The following CSMD1 variants were observed in gnomAD, a reference collection of about 807,000 sequenced individuals.
CSMD1 encodes CUB and Sushi multiple domains 1.
Under a neutral mutation model 417.5 loss-of-function variants are expected in CSMD1, and 213 were observed. That is an observed-to-expected ratio of 0.51 (90% CI 0.46 to 0.57). CSMD1 has a LOEUF of 0.57. CSMD1 is among the 20% of genes least tolerant of loss of function. The pLI is 0.00. For synonymous variants in CSMD1, 2,862 were observed against 1,736.8 expected, an observed-to-expected ratio of 1.65 and a Z score of -16.11; for missense variants, 6,923 against 4,529.7, an observed-to-expected ratio of 1.53 and a Z score of -15.17.
At chr8:4,446,058 G>A (rs144611078) in intron 2 of CSMD1, among the ~76,000 whole-genome samples, 18 of 152,330 alleles carry the variant, frequency 1.2e-4, no homozygotes, top group African/African-American at 3.1e-4. Flanking sequence ...AAGAGGAGAC[G>A]AGGCTGTTTC....
At chr8:3,800,753 G>T (rs1212698655) in intron 5 of CSMD1, among the ~76,000 whole-genome samples, 3 of 152,082 alleles carry the variant, frequency 2.0e-5, no homozygotes, top group Non-Finnish European at 4.4e-5. Flanking sequence ...TGTTGAGGTA[G>T]TTTGTTTTTA....
intron 37 of CSMD1, among the ~76,000 whole-genome samples, chr8:3,165,156 G>A (rs1042955061): frequency 4.6e-5 from 7 of 151,998 alleles, no homozygotes; most frequent in South Asian, 2.1e-4. Context: ...TTCTCCCTTC[G>A]CCAGTGTCAC....
chr8:4,184,965 C>T (rs1049261259), intron 3 of CSMD1, among the ~76,000 whole-genome samples: 8 of 151,694 alleles, frequency 5.3e-5, no homozygotes, highest in African/African-American at 1.9e-4. Context: ...TGGTGAAACC[C>T]CATCTCTATT....
intron 5 of CSMD1, among the ~76,000 whole-genome samples, chr8:3,987,747 T>C (rs1037220206): frequency 5.9e-5 from 9 of 152,132 alleles, no homozygotes; most frequent in East Asian, 1.9e-4. Flanking sequence ...AAATGGAATG[T>C]AAATATTGAC....
intron 3 of CSMD1, among the ~76,000 whole-genome samples, chr8:4,398,863 C>A (rs1016055993): frequency 2.0e-5 from 3 of 152,094 alleles, no homozygotes; most frequent in Non-Finnish European, 4.4e-5. Context: ...AACTTTTAAA[C>A]CATAAAATAA....
chr8:4,088,745 C>A (rs1401153964), intron 3 of CSMD1, among the ~76,000 whole-genome samples: 2 of 152,062 alleles, frequency 1.3e-5, no homozygotes, highest in Non-Finnish European at 2.9e-5. Context: ...AAGGTGAGAT[C>A]CCACCACCAT....
chr8:4,246,198 C>T (rs952452806), intron 3 of CSMD1, among the ~76,000 whole-genome samples: 2 of 152,128 alleles, frequency 1.3e-5, no homozygotes, highest in African/African-American at 2.4e-5. Context: ...CAAAAGGCCC[C>T]AGTGTGTGTT....
At chr8:4,440,035 A>G (rs1183866253) in intron 2 of CSMD1, among the ~76,000 whole-genome samples, 1 of 152,184 alleles carries the variant, frequency 6.6e-6, no homozygotes, top group Admixed American at 6.5e-5. Flanking sequence ...AAGAAGCTTA[A>G]TATATCTAAA....
intron 2 of CSMD1, among the ~76,000 whole-genome samples, chr8:4,440,551 A>C (rs915590748): frequency 6.6e-6 from 1 of 152,164 alleles, no homozygotes; most frequent in African/African-American, 2.4e-5. Flanking sequence ...GCTGACATGC[A>C]TATCTATATG....
In CSMD1 at chr8:3,840,490, C is replaced by G. The variant is rs186729291; in HGVS notation, c.819-86448G>C. Among the ~76,000 whole-genome samples, 267 of 152,106 alleles carry G rather than the reference C, an allele frequency of 1.8e-3. 1 individual carries two copies. The highest frequency in any genetic ancestry group is 5.7e-3 in the African/African-American group (236 of 41,502). On this transcript the variant is annotated intron_variant, in intron 5 of 69. Transcript: ENST00000635120. ...TAATAGGCATTCAATAAATCATTGA[C>G]TGAATAAAAAATATAGGCAAAACAA...
chr8:3,452,964 G>A (rs1815848316), intron 12 of CSMD1, among the ~76,000 whole-genome samples: 1 of 152,240 alleles, frequency 6.6e-6, no homozygotes, highest in South Asian at 2.1e-4. Flanking sequence ...TTTTTGGTTG[G>A]TAAGCTATTA....
chr8:3,988,438 G>A (rs780445371), intron 5 of CSMD1, among the ~76,000 whole-genome samples: 14 of 152,134 alleles, frequency 9.2e-5, no homozygotes, highest in African/African-American at 1.4e-4. Flanking sequence ...AAATATGTAC[G>A]CCACTCACAA....
intron 1 of CSMD1, among the ~76,000 whole-genome samples, chr8:4,789,025 G>C (rs545804604): frequency 6.6e-6 from 1 of 152,198 alleles, no homozygotes; most frequent in Non-Finnish European, 1.5e-5. Flanking sequence ...GACTACCAGG[G>C]TCTCACTCCT....
intron 3 of CSMD1, among the ~76,000 whole-genome samples, chr8:4,264,235 G>A (rs192213762): frequency 6.6e-5 from 10 of 152,196 alleles, no homozygotes; most frequent in East Asian, 3.9e-4. Flanking sequence ...GAATTTCCTC[G>A]TCTTAGGAAT....
chr8:4,636,855 T>A (rs1802840780), intron 2 of CSMD1, among the ~76,000 whole-genome samples: 1 of 152,160 alleles, frequency 6.6e-6, no homozygotes, highest in Non-Finnish European at 1.5e-5. Context: ...TGGAGAACTT[T>A]TCTGTCTTAC....
rs181395832 is a variant in CSMD1 at position 3,997,622 on chromosome 8, C to G, written c.818+281G>C. Among the ~76,000 whole-genome samples, 194 of 152,318 alleles carry G rather than the reference C, an allele frequency of 1.3e-3. 1 individual carries two copies. The highest frequency in any genetic ancestry group is 0.012 in the East Asian group (60 of 5,178). On this transcript the variant is annotated intron_variant, in intron 5 of 69. Transcript: ENST00000635120. The stretch of plus-strand genomic sequence containing the variant: ...TCAGACCAAACCCAAAACTAACTCA[C>G]CTTACTTGGTTGCTTTAAAACAGTC...
intron 5 of CSMD1, among the ~76,000 whole-genome samples, chr8:3,931,634 C>A (rs1455575974): frequency 4.0e-5 from 6 of 149,544 alleles, no homozygotes; most frequent in African/African-American, 4.9e-5. Context: ...AGAAAAGTGC[C>A]TCAGGATGTC....
At chr8:3,214,762 G>T (rs1039007380) in intron 29 of CSMD1, 71 bp from the exon 30 acceptor site, 1 of 1,295,328 alleles carries the variant, frequency 7.7e-7, no homozygotes, top group Non-Finnish European at 1.1e-6. Flanking sequence ...TGTTTGTTGG[G>T]TTGGTTCTTT....
At chr8:4,290,196 T>G (rs1042355141) in intron 3 of CSMD1, among the ~76,000 whole-genome samples, 3 of 152,058 alleles carry the variant, frequency 2.0e-5, no homozygotes, top group African/African-American at 7.2e-5. Context: ...AAAGAATCAG[T>G]CAAAGGAAAC....
Sources: allele counts gnomAD v4.1 joint callset (sites outside exome capture counted in the v4.1 genomes callset), GRCh38; gene constraint gnomAD v4.1.1; transcripts MANE v1.5; gene names NCBI Gene and HGNC (gene_info 2026-07-23, HGNC 2026-07-21).